TP63: variants seen among roughly 807,000 people sequenced by gnomAD.
TP63 encodes tumor protein p63.
In TP63, 17 loss-of-function variants were observed where a neutral mutation model predicts 82.8. That is an observed-to-expected ratio of 0.21 (90% confidence interval 0.14 to 0.31). The LOEUF (loss-of-function observed/expected upper bound fraction) is 0.31. Ranked by LOEUF, TP63 falls within the 10% of genes least tolerant of loss-of-function variation. The pLI is 1.00. For missense variants in TP63, 648 were observed against 895.3 expected, an observed-to-expected ratio of 0.72 and a Z score of 3.52; for synonymous variants, 330 against 321.7, an observed-to-expected ratio of 1.03 and a Z score of -0.28.
At chr3:189,888,353 T>C (rs1194063515) in intron 11 of TP63, among the ~76,000 whole-genome samples, 1 of 152,240 alleles carries the variant, frequency 6.6e-6, no homozygotes, top group Admixed American at 6.5e-5. Flanking sequence ...ATTTTATTTC[T>C]TGTGACATCT....
At chr3:189,885,945 T>A (rs1181145659) in intron 10 of TP63, among the ~76,000 whole-genome samples, 2 of 152,238 alleles carry the variant, frequency 1.3e-5, no homozygotes, top group Non-Finnish European at 2.9e-5. Context: ...AAATGGAATA[T>A]ACAGAAAGCT....
chr3:189,727,143 A>T (rs1186203430), intron 1 of TP63, among the ~76,000 whole-genome samples: 1 of 152,254 alleles, frequency 6.6e-6, no homozygotes, highest in Non-Finnish European at 1.5e-5. Flanking sequence ...TGGGACTTGG[A>T]TTAGGAAAGT....
At chr3:189,685,426 TCTC>T in intron 1 of TP63, among the ~76,000 whole-genome samples, 1 of 152,318 alleles carries the variant, frequency 6.6e-6, no homozygotes, top group South Asian at 2.1e-4. Flanking sequence ...TTCTTTCACT[TCTC>T]CTGCCTTTAT....
chr3:189,753,222 A>C (rs1721948626), intron 3 of TP63, among the ~76,000 whole-genome samples: 1 of 152,024 alleles, frequency 6.6e-6, no homozygotes, highest in Non-Finnish European at 1.5e-5. Flanking sequence ...TAGTTCTATT[A>C]ATTGCTGAGA....
At chr3:189,689,027 A>G (rs1378432365) in intron 1 of TP63, among the ~76,000 whole-genome samples, 1 of 149,466 alleles carries the variant, frequency 6.7e-6, no homozygotes, top group Non-Finnish European at 1.5e-5. Context: ...GGACTCCTGG[A>G]ATATCTTCCA....
intron 3 of TP63, among the ~76,000 whole-genome samples, chr3:189,748,571 T>C (rs1721562067): frequency 7.2e-6 from 1 of 138,924 alleles, no homozygotes; most frequent in Non-Finnish European, 1.5e-5. Context: ...CATTCTATGC[T>C]CATGGATTGG....
chr3:189,719,944 C>T (rs973390364), intron 1 of TP63, among the ~76,000 whole-genome samples: 1 of 152,156 alleles, frequency 6.6e-6, no homozygotes, highest in African/African-American at 2.4e-5. Flanking sequence ...TTCATTTAAT[C>T]TCATTTATTC....
At chr3:189,678,964 T>C (rs1389488624) in intron 1 of TP63, among the ~76,000 whole-genome samples, 1 of 152,008 alleles carries the variant, frequency 6.6e-6, no homozygotes, top group African/African-American at 2.4e-5. Flanking sequence ...ACCCTGATTT[T>C]AAAATGAGCA....
Position 189,798,384 on chromosome 3 carries a change from A to T in TP63, c.325-9888A>T, listed in dbSNP as rs369776135. ...CAATATTATTTCCATTATCTTTTAA[A>T]TAGCAAGAAAGTTTTTGAAAGACAG... On this transcript the variant is annotated intron_variant, in intron 3 of 13. Coordinates refer to ENST00000264731, the MANE Select transcript of TP63 (RefSeq NM_003722.5). 4.6e-5 allele frequency among the ~76,000 whole-genome samples: 7 copies of T among 152,176 alleles called. No homozygotes were observed. In the East Asian group the frequency reaches 7.7e-4, roughly 17 times the overall value.
chr3:189,796,638 A>T (rs1725736292), intron 3 of TP63, among the ~76,000 whole-genome samples: 1 of 152,072 alleles, frequency 6.6e-6, no homozygotes, highest in Non-Finnish European at 1.5e-5. Context: ...TAGGGGAAAC[A>T]GTGAGGTTCC....
rs368279764 is a variant in TP63 at position 189,755,751 on chromosome 3, CTG to C, written c.324+16980_324+16981del. On this transcript the variant is annotated intron_variant, in intron 3 of 13. Transcript: ENST00000264731. ...TGTTATCAGTTTACATTCCCACCAA[CTG>C]TGCAAAAGTGTGGCCTGAAATCAAT... is the stretch of plus-strand genomic sequence containing the variant. Among the ~76,000 whole-genome samples, 89 of 152,224 alleles carry C rather than the reference CTG, an allele frequency of 5.8e-4. 3 individuals carry two copies. The highest frequency in any genetic ancestry group is 1.6e-3 in the African/African-American group (66 of 41,562).
rs572941351 is a variant in TP63 at position 189,793,755 on chromosome 3, G to A, written c.325-14517G>A. ...ACAGGTAACAAAAAGATACTTCTGT[G>A]AAAAACAACTTGATGATTTCCATAA... On this transcript the variant is annotated intron_variant, in intron 3 of 13. Coordinates refer to ENST00000264731, the MANE Select transcript of TP63 (RefSeq NM_003722.5). Among the ~76,000 whole-genome samples the A allele has an allele frequency of 4.5e-4, 68 of 152,082 alleles. No homozygotes were observed. The Middle Eastern group carries it at 0.01, about 23-fold the overall frequency.
chr3:189,700,164 C>T (rs988673147), intron 1 of TP63, among the ~76,000 whole-genome samples: 1 of 152,058 alleles, frequency 6.6e-6, no homozygotes, highest in African/African-American at 2.4e-5. Context: ...AAATGCCTTC[C>T]CAGAGGCTCC....
At chr3:189,673,183 A>T (rs750662978) in intron 1 of TP63, among the ~76,000 whole-genome samples, 11 of 152,072 alleles carry the variant, frequency 7.2e-5, no homozygotes, top group Non-Finnish European at 1.5e-4. Flanking sequence ...GATGCAGCAA[A>T]TTTTTTCACA....
intron 10 of TP63, among the ~76,000 whole-genome samples, chr3:189,875,261 G>T (rs1232351409): frequency 1.3e-5 from 2 of 151,302 alleles, no homozygotes; most frequent in African/African-American, 2.4e-5. Context: ...CCTTTTGATT[G>T]TTCCTCCCCC....
chr3:189,601,208 T>G, the TP63 span, among the ~76,000 whole-genome samples: 4 of 152,178 alleles, frequency 2.6e-5, no homozygotes, highest in African/African-American at 9.7e-5. Context: ...GAATTTATGT[T>G]TTTGGAAAGT....
intron 3 of TP63, among the ~76,000 whole-genome samples, chr3:189,758,098 G>A (rs1722317158): frequency 6.6e-6 from 1 of 152,168 alleles, no homozygotes; most frequent in African/African-American, 2.4e-5. Context: ...CACAGAGAGT[G>A]GGTGGAGGTA....
intron 1 of TP63, among the ~76,000 whole-genome samples, chr3:189,680,513 A>G (rs1469125708): frequency 6.6e-6 from 1 of 152,226 alleles, no homozygotes; most frequent in Non-Finnish European, 1.5e-5. Flanking sequence ...TCCCTGGTGA[A>G]CACAGACATA....
chr3:189,849,560 C>T lies in TP63; in HGVS notation c.580-14672C>T, dbSNP rs1223316186. Among the ~76,000 whole-genome samples, 3 of 152,058 alleles carry T rather than the reference C, an allele frequency of 2.0e-5. No individual in the cohort carries two copies. The East Asian group carries it at 5.8e-4, about 29-fold the overall frequency. On this transcript the variant is annotated intron_variant, in intron 4 of 13. Transcript: ENST00000264731. Reference sequence around the variant, plus strand: ...GGTAATGTGAGAGGAGAGGAAAAAACACAGTTTGAGCATTTCCCAAAACAT... The same window carrying T: ...GGTAATGTGAGAGGAGAGGAAAAAATACAGTTTGAGCATTTCCCAAAACAT...
Sources: allele counts gnomAD v4.1 joint callset (sites outside exome capture counted in the v4.1 genomes callset), GRCh38; gene constraint gnomAD v4.1.1; transcripts MANE v1.5; gene names NCBI Gene and HGNC (gene_info 2026-07-23, HGNC 2026-07-21).